ACOXL: variants seen among roughly 807,000 people sequenced by gnomAD.
ACOXL encodes the protein acyl-coenzyme A oxidase-like protein.
ACOXL carries 70 observed loss-of-function variants against 71.9 expected under a neutral mutation model. That is an observed-to-expected ratio of 0.97 (90% confidence interval 0.80 to 1.19). The LOEUF (loss-of-function observed/expected upper bound fraction) is 1.19. ACOXL is among the 50% of genes most tolerant of loss of function. The pLI is 0.00. For missense variants in ACOXL, 703 were observed against 736.3 expected (o/e 0.95, Z 0.52); for synonymous variants, 253 against 281.6 (o/e 0.90, Z 1.02).
At chr2:110,849,158 TCTC>T (rs1357982878) in intron 10 of ACOXL, among the ~76,000 whole-genome samples, 11 of 152,182 alleles carry the variant, frequency 7.2e-5, no homozygotes, top group African/African-American at 2.4e-4. Context: ...CTCTATTTCT[TCTC>T]CTTCCTGTCT....
At chr2:110,997,001 A>G (rs556654231) in intron 14 of ACOXL, among the ~76,000 whole-genome samples, 1 of 152,316 alleles carries the variant, frequency 6.6e-6, no homozygotes, top group Admixed American at 6.5e-5. Context: ...GCCAGACCCC[A>G]CAAACGCATT....
Position 110,987,097 on chromosome 2 carries a change from T to C in ACOXL, c.1060-11T>C. ...CTGCTGAGACTGATGAGCGATAAAC[T>C]CTTTGCACAGGTTGTGGGGCGGGAA... On this transcript the variant is annotated splice_polypyrimidine_tract_variant and intron_variant, in intron 12 of 17. Transcript: ENST00000439055. 1 of 1,559,106 alleles carries C rather than the reference T, an allele frequency of 6.4e-7. No individual in the cohort carries two copies. The highest frequency in any genetic ancestry group is 8.7e-7 in the Non-Finnish European group (1 of 1,149,300).
chr2:111,098,175 A>C (rs2068913859), intron 17 of ACOXL, among the ~76,000 whole-genome samples: 1 of 152,222 alleles, frequency 6.6e-6, no homozygotes, highest in Admixed American at 6.5e-5. Context: ...GAGAAAACAC[A>C]TCAGACAAAA....
intron 12 of ACOXL, among the ~76,000 whole-genome samples, chr2:110,975,808 CA>C (rs200729331): frequency 0.074 from 9,190 of 124,738 alleles, 626 homozygotes; most frequent in East Asian, 0.37. Flanking sequence ...ATAAAGATTG[CA>C]AAAAAAAAAA....
intron 11 of ACOXL, among the ~76,000 whole-genome samples, chr2:110,914,261 C>G (rs1438610103): frequency 6.6e-6 from 1 of 152,036 alleles, no homozygotes; most frequent in African/African-American, 2.4e-5. Flanking sequence ...TCTTGCTATT[C>G]TAGAGTCTTT....
intron 7 of ACOXL, among the ~76,000 whole-genome samples, chr2:110,800,648 AAAAG>A (rs1271091258): frequency 6.6e-6 from 1 of 152,094 alleles, no homozygotes; most frequent in Admixed American, 6.5e-5. Context: ...GAGAAGAAAA[AAAAG>A]AAGGAAGAGA....
chr2:110,802,300 G>T (rs1305671883), intron 8 of ACOXL, among the ~76,000 whole-genome samples: 3 of 152,172 alleles, frequency 2.0e-5, no homozygotes, highest in Non-Finnish European at 4.4e-5. Flanking sequence ...TCAGCTTCCA[G>T]GTGTGTTCTG....
Position 110,798,325 on chromosome 2 carries a change from C to T in ACOXL, c.346-285C>T, listed in dbSNP as rs554534628. ...AGGCTGGAGTGCAGTGGCGCAATCA[C>T]GGCTCACTGCAAGCTCTGCCTCCCA... is the stretch of plus-strand genomic sequence containing the variant. On this transcript the variant is annotated intron_variant, in intron 5 of 17. Coordinates refer to ENST00000439055, the MANE Select transcript of ACOXL (RefSeq NM_001142807.4). Among the ~76,000 whole-genome samples the T allele has an allele frequency of 8.6e-4, 130 of 151,360 alleles. 1 individual carries two copies. Among genetic ancestry groups the T allele is most frequent in the African/African-American group, 3.1e-3 (127 of 41,210 alleles).
chr2:110,874,152 C>T (rs1361392056), intron 10 of ACOXL, among the ~76,000 whole-genome samples: 1 of 152,208 alleles, frequency 6.6e-6, no homozygotes, highest in Non-Finnish European at 1.5e-5. Flanking sequence ...CCCCCACCCT[C>T]AGCAGCCTGG....
intron 9 of ACOXL, among the ~76,000 whole-genome samples, chr2:110,823,561 A>T (rs1393938138): frequency 6.6e-6 from 1 of 152,194 alleles, no homozygotes. Context: ...CAGTGGCTGT[A>T]TAATTTTGTG....
chr2:110,811,867 A>C (rs924689582), intron 9 of ACOXL, among the ~76,000 whole-genome samples: 4 of 152,064 alleles, frequency 2.6e-5, no homozygotes, highest in African/African-American at 9.7e-5. Context: ...TGATCCTCAG[A>C]GAGGCCATCT....
At chr2:110,867,177 G>A (rs1431486680) in intron 10 of ACOXL, among the ~76,000 whole-genome samples, 2 of 152,194 alleles carry the variant, frequency 1.3e-5, no homozygotes, top group African/African-American at 4.8e-5. Flanking sequence ...GGATCCGGGG[G>A]ATGAGGGAGG....
At chr2:110,797,835 C>A (rs530521067) in intron 5 of ACOXL, among the ~76,000 whole-genome samples, 28 of 152,262 alleles carry the variant, frequency 1.8e-4, no homozygotes, top group Non-Finnish European at 3.4e-4. Context: ...CATATACCAC[C>A]AGGGCTTTTA....
At chr2:110,859,319 A>G (rs1020109217) in intron 10 of ACOXL, among the ~76,000 whole-genome samples, 1 of 152,170 alleles carries the variant, frequency 6.6e-6, no homozygotes, top group African/African-American at 2.4e-5. Flanking sequence ...AGTGGTGGCT[A>G]GATGTGCTTT....
At chr2:111,099,250 G>T (rs374196954) in intron 17 of ACOXL, 1 of 152,234 alleles carries the variant, frequency 6.6e-6, no homozygotes, top group African/African-American at 2.4e-5. Context: ...TTGGGTTGAG[G>T]TTTATTTTTA....
chr2:110,950,912 G>GTC (rs147405367), intron 12 of ACOXL, among the ~76,000 whole-genome samples: 13 of 151,316 alleles, frequency 8.6e-5, no homozygotes, highest in Non-Finnish European at 8.9e-5. Context: ...GTGCTAGAGG[G>GTC]TCTCTCTCTC....
chr2:111,115,007 CT>C (rs1320430867), intron 17 of ACOXL, among the ~76,000 whole-genome samples: 6 of 152,100 alleles, frequency 3.9e-5, no homozygotes, highest in South Asian at 2.1e-4. Context: ...ATTCTTATTG[CT>C]TGTAGAGCAA....
intron 1 of ACOXL, among the ~76,000 whole-genome samples, chr2:110,735,266 A>G (rs1214428852): frequency 6.6e-6 from 1 of 152,166 alleles, no homozygotes; most frequent in Non-Finnish European, 1.5e-5. Flanking sequence ...ACATTCTCCT[A>G]ATGTAAAATG....
chr2:111,078,500 G>A (rs556500000), intron 16 of ACOXL, among the ~76,000 whole-genome samples: 19 of 152,128 alleles, frequency 1.2e-4, no homozygotes, highest in Non-Finnish European at 2.1e-4. Context: ...CTGACCTCAA[G>A]TGATCTGCCC....
Sources: allele counts gnomAD v4.1 joint callset (sites outside exome capture counted in the v4.1 genomes callset), GRCh38; gene constraint gnomAD v4.1.1; transcripts MANE v1.5; gene names NCBI Gene and HGNC (gene_info 2026-07-23, HGNC 2026-07-21).